The following MAP2 variants were observed in gnomAD, a reference collection of about 807,000 sequenced individuals.
MAP2 encodes microtubule-associated protein 2.
In MAP2, 14 loss-of-function variants were observed where a neutral mutation model predicts 137.6. The ratio of observed to expected loss-of-function variants is 0.10; its 90% CI spans 0.07 to 0.16. MAP2 has a LOEUF of 0.16. Ranked by LOEUF, MAP2 falls within the 10% of genes least tolerant of loss-of-function variation. The pLI is 1.00. For synonymous variants in MAP2, 786 were observed against 782.3 expected, an observed-to-expected ratio of 1.00 and a Z score of -0.08; for missense variants, 2,088 against 2,191.5, an observed-to-expected ratio of 0.95 and a Z score of 0.94.
At chr2:209,562,783 G>A (rs78084126) in intron 2 of MAP2, among the ~76,000 whole-genome samples, 2,997 of 152,010 alleles carry the variant, frequency 0.02, 92 homozygotes, top group African/African-American at 0.068. Flanking sequence ...AGCGGTGATT[G>A]CACACCAGCT....
At chr2:209,661,020 A>G (rs943911515) in intron 5 of MAP2, among the ~76,000 whole-genome samples, 1 of 151,818 alleles carries the variant, frequency 6.6e-6, no homozygotes, top group Middle Eastern at 3.4e-3. Context: ...CTGGGATTAC[A>G]GGCGTGAGCC....
At chr2:209,705,798 T>A in intron 12 of MAP2, 71 bp downstream of exon 12, 1 of 1,240,310 alleles carries the variant, frequency 8.1e-7, no homozygotes, top group Non-Finnish European at 1.1e-6. Flanking sequence ...GCACTTATAT[T>A]TATATTTTAA....
In MAP2 at chr2:209,732,500, A is replaced by G. The variant is rs993144810; in HGVS notation, c.*2103A>G. The G allele has an allele frequency of 3.3e-5, 5 of 152,210 alleles. No individual in the cohort carries two copies. The highest frequency in any genetic ancestry group is 1.2e-4 in the African/African-American group (5 of 41,456). 9.4% of individuals were successfully genotyped at this position (152,210 alleles called of 1,614,324 possible). On this transcript the variant is annotated 3_prime_UTR_variant, in exon 16 of 16. Transcript: ENST00000682079. ...ATTGCTGTGAGGTTTGATTTGACCA[A>G]TCTGGGCAATTTATTCATCAGCTTC... is the stretch of plus-strand genomic sequence containing the variant.
rs546130304 is a variant in MAP2, at chr2:209,732,107, G to A, written c.*1710G>A. The A allele has an allele frequency of 2.0e-5, 3 of 152,278 alleles. No homozygotes were observed. Among genetic ancestry groups the A allele is most frequent in the East Asian group, 1.9e-4 (1 of 5,192 alleles). 9.4% of individuals were successfully genotyped at this position (152,278 alleles called of 1,614,324 possible). The stretch of plus-strand genomic sequence containing the variant: ...TCTTTTTCTTGCTCAGGGCTGGTAG[G>A]TTGGATCTGAACCATTAAAATCAAA... On this transcript the variant is annotated 3_prime_UTR_variant, in exon 16 of 16. Coordinates refer to ENST00000682079, the MANE Select transcript of MAP2 (RefSeq NM_001375505.1).
chr2:209,459,029 T>C (rs1053571867), intron 1 of MAP2, among the ~76,000 whole-genome samples: 2 of 152,186 alleles, frequency 1.3e-5, no homozygotes, highest in African/African-American at 2.4e-5. Context: ...GAAATATAGA[T>C]CAAGCTATTG....
intron 2 of MAP2, among the ~76,000 whole-genome samples, chr2:209,570,899 A>G (rs1378318805): frequency 6.6e-6 from 1 of 151,892 alleles, no homozygotes; most frequent in East Asian, 1.9e-4. Context: ...TTTTGTCATA[A>G]TAGCGTAGTT....
At chr2:209,529,275 ACAAACTCTATTGTTGT>A (rs1230358520) in intron 2 of MAP2, among the ~76,000 whole-genome samples, 1 of 152,154 alleles carries the variant, frequency 6.6e-6, no homozygotes, top group East Asian at 1.9e-4. Flanking sequence ...GTTTAGGAAG[ACAAACTCTATTGTTGT>A]CAAGATTATA....
chr2:209,648,173 C>A (rs962812958), intron 4 of MAP2, among the ~76,000 whole-genome samples: 1 of 151,114 alleles, frequency 6.6e-6, no homozygotes, highest in African/African-American at 2.4e-5. Flanking sequence ...GTGATCGCGG[C>A]TCACTGCAAC....
intron 14 of MAP2, among the ~76,000 whole-genome samples, chr2:209,726,467 T>G (rs893247695): frequency 6.6e-6 from 1 of 152,206 alleles, no homozygotes; most frequent in African/African-American, 2.4e-5. Flanking sequence ...TGTTAAATTC[T>G]ACCTCCATAG....
At chr2:209,478,240 A>C (rs1707843959) in intron 1 of MAP2, among the ~76,000 whole-genome samples, 1 of 152,180 alleles carries the variant, frequency 6.6e-6, no homozygotes, top group Non-Finnish European at 1.5e-5. Flanking sequence ...GAAATCAAGC[A>C]GTCCAGTTTA....
intron 1 of MAP2, among the ~76,000 whole-genome samples, chr2:209,472,567 C>T (rs796282085): frequency 4.6e-5 from 7 of 152,208 alleles, no homozygotes; most frequent in African/African-American, 1.7e-4. Flanking sequence ...TTGAAGAGCA[C>T]AATTCATCAA....
At chr2:209,519,754 TAGTC>T (rs2063009899) in intron 2 of MAP2, among the ~76,000 whole-genome samples, 2 of 152,074 alleles carry the variant, frequency 1.3e-5, no homozygotes, top group Non-Finnish European at 2.9e-5. Context: ...TTAAGAAAAG[TAGTC>T]AGTGGATATT....
chr2:209,504,262 A>G (rs1402161764), intron 1 of MAP2, among the ~76,000 whole-genome samples: 6 of 107,908 alleles, frequency 5.6e-5, no homozygotes, highest in African/African-American at 1.7e-4. Flanking sequence ...ATAAAACTGA[A>G]CTTTAAAAAA....
chr2:209,477,315 A>G (rs990000925), intron 1 of MAP2, among the ~76,000 whole-genome samples: 1 of 152,208 alleles, frequency 6.6e-6, no homozygotes. Context: ...AACTATTTCA[A>G]AAGAAAATGT....
chr2:209,610,668 A>C (rs543683714), intron 3 of MAP2, among the ~76,000 whole-genome samples: 3 of 152,266 alleles, frequency 2.0e-5, no homozygotes, highest in Admixed American at 2.0e-4. Context: ...GTGAAGAACT[A>C]TTCTTTCCAG....
intron 3 of MAP2, among the ~76,000 whole-genome samples, chr2:209,600,363 T>A (rs967714571): frequency 6.6e-6 from 1 of 152,220 alleles, no homozygotes; most frequent in African/African-American, 2.4e-5. Context: ...AGAGTTCAGC[T>A]GTTTCTCTTG....
chr2:209,500,639 C>A (rs2060260597), intron 1 of MAP2, among the ~76,000 whole-genome samples: 2 of 151,954 alleles, frequency 1.3e-5, no homozygotes, highest in African/African-American at 2.4e-5. Context: ...TTTTTCACAA[C>A]CTCCCTTATC....
chr2:209,560,466 G>A (rs1183260349), intron 2 of MAP2, among the ~76,000 whole-genome samples: 2 of 148,090 alleles, frequency 1.4e-5, no homozygotes, highest in African/African-American at 5.2e-5. Context: ...CTGGTGTGGT[G>A]ACAACTTTGA....
intron 13 of MAP2, among the ~76,000 whole-genome samples, chr2:209,721,163 G>C (rs2070690150): frequency 6.6e-6 from 1 of 152,128 alleles, no homozygotes; most frequent in South Asian, 2.1e-4. Flanking sequence ...GAACATTCAG[G>C]TGCAAGTTGT....
Sources: gnomAD v4.1 joint callset for allele counts (sites outside exome capture counted in the v4.1 genomes callset) on GRCh38, gnomAD v4.1.1 for gene constraint, MANE v1.5 for transcripts, NCBI Gene and HGNC (gene_info 2026-07-23, HGNC 2026-07-21) for gene names.